EDN1: variants seen among roughly 807,000 people sequenced by gnomAD.
The protein encoded by EDN1 is endothelin 1, also known as endothelin-1.
Under a neutral mutation model 21.7 loss-of-function variants are expected in EDN1, and 11 were observed. The ratio of observed to expected loss-of-function variants is 0.51; its 90% CI spans 0.32 to 0.84. The LOEUF (loss-of-function observed/expected upper bound fraction) is 0.84, where lower values mean the gene tolerates loss of function less well. EDN1 is among the 40% of genes least tolerant of loss of function. The probability of loss-of-function intolerance (pLI) is 0.03; values close to 1 mark genes in which losing one functional copy is unlikely to be tolerated. For missense variants in EDN1, 244 were observed against 262.3 expected (o/e 0.93, Z 0.48); for synonymous variants, 85 against 90.6 (o/e 0.94, Z 0.35).
At chr6:12,275,158 C>T in the EDN1 span, among the ~76,000 whole-genome samples, 1 of 152,176 alleles carries the variant, frequency 6.6e-6, no homozygotes, top group Non-Finnish European at 1.5e-5. Flanking sequence ...TAATGGTACC[C>T]ACGGGGGTCC....
chr6:12,244,533 T>C, the EDN1 span, among the ~76,000 whole-genome samples: 6 of 152,352 alleles, frequency 3.9e-5, no homozygotes, highest in South Asian at 1.2e-3. Context: ...AGGCTCTCTA[T>C]TTAGTCTCAA....
Position 12,292,365 on chromosome 6 carries a change from C to T in EDN1, c.89C>T (p.Ala30Val), listed in dbSNP as rs202087445. 9 of 1,614,040 alleles carry T rather than the reference C, an allele frequency of 5.6e-6. No individual in the cohort carries two copies. The highest frequency in any genetic ancestry group is 4.2e-6 in the Non-Finnish European group (5 of 1,180,052). ...ETAVLGAELS[A>V]VGENGGEKPT... Reference sequence around the variant, plus strand: ...GCAGTCTTAGGCGCTGAGCTCAGCGCGGTGGGTGAGAACGGCGGGGAGAAA... The same window carrying T: ...GCAGTCTTAGGCGCTGAGCTCAGCGTGGTGGGTGAGAACGGCGGGGAGAAA... Residue 30 changes from alanine to valine, a missense_variant, in exon 2 of 5, where the codon GCG becomes GTG. Transcript: ENST00000379375.
chr6:12,267,479 G>GC, the EDN1 span, among the ~76,000 whole-genome samples: 1 of 152,162 alleles, frequency 6.6e-6, no homozygotes, highest in East Asian at 1.9e-4. Context: ...ACCAGGCACA[G>GC]CATTTCCTTA....
the EDN1 span, among the ~76,000 whole-genome samples, chr6:12,256,159 A>C: frequency 6.6e-6 from 1 of 152,176 alleles, no homozygotes; most frequent in African/African-American, 2.4e-5. Context: ...CAGCTTAGGC[A>C]ACAAAGCGAG....
At chr6:12,277,760 T>C in the EDN1 span, among the ~76,000 whole-genome samples, 16 of 152,212 alleles carry the variant, frequency 1.1e-4, no homozygotes, top group Admixed American at 9.2e-4. Context: ...AATGGCGTGA[T>C]AGACATCAAG....
At position 12,290,405 on chromosome 6, in the gene EDN1, C is replaced by G; in HGVS notation, c.-225C>G. On this transcript the variant is annotated 5_prime_UTR_variant, in exon 1 of 5. Coordinates refer to ENST00000379375, the MANE Select transcript of EDN1 (RefSeq NM_001955.5). ...CGCCAGGCGAACGGGTCCTGCGCCT[C>G]CTGCAGTCCCAGCTCTCCACCGCCG... 3 of 579,668 alleles carry G rather than the reference C, an allele frequency of 5.2e-6. No individual in the cohort carries two copies. Among genetic ancestry groups the G allele is most frequent in the Non-Finnish European group, 9.2e-6 (3 of 326,056 alleles). 35.9% of individuals were successfully genotyped at this position (579,668 alleles called of 1,614,324 possible).
At chr6:12,245,494 A>G in the EDN1 span, among the ~76,000 whole-genome samples, 1 of 152,194 alleles carries the variant, frequency 6.6e-6, no homozygotes, top group Non-Finnish European at 1.5e-5. Context: ...AAGTAACTGA[A>G]AACCTGGGGG....
the EDN1 span, among the ~76,000 whole-genome samples, chr6:12,236,240 A>C: frequency 6.6e-6 from 1 of 152,180 alleles, no homozygotes; most frequent in Non-Finnish European, 1.5e-5. Context: ...ATTTGAATGT[A>C]CATTTTCTAA....
chr6:12,288,969 G>A (rs1230947872), upstream of EDN1, among the ~76,000 whole-genome samples: 1 of 152,136 alleles, frequency 6.6e-6, no homozygotes, highest in Non-Finnish European at 1.5e-5. Context: ...AGGTCTTACT[G>A]GGCCACTGTG....
the EDN1 span, among the ~76,000 whole-genome samples, chr6:12,250,632 G>A: frequency 4.6e-5 from 7 of 151,928 alleles, no homozygotes; most frequent in Non-Finnish European, 1.0e-4. Flanking sequence ...TTTGTAACTT[G>A]TTTATAAAGG....
the EDN1 span, among the ~76,000 whole-genome samples, chr6:12,231,975 C>CT: frequency 6.6e-6 from 1 of 150,990 alleles, no homozygotes; most frequent in South Asian, 2.1e-4. Context: ...ACCATAAAGA[C>CT]TTTTTTAGCA....
At chr6:12,279,851 G>C in the EDN1 span, among the ~76,000 whole-genome samples, 2 of 152,214 alleles carry the variant, frequency 1.3e-5, no homozygotes, top group Admixed American at 1.3e-4. Context: ...ATTACAAAAT[G>C]TGCAGTAAAA....
chr6:12,264,354 G>T, the EDN1 span, among the ~76,000 whole-genome samples: 4 of 152,180 alleles, frequency 2.6e-5, no homozygotes, highest in Non-Finnish European at 4.4e-5. Flanking sequence ...GGTGACTAAA[G>T]TAGGTATGGA....
the EDN1 span, among the ~76,000 whole-genome samples, chr6:12,270,901 G>A: frequency 6.6e-6 from 1 of 152,144 alleles, no homozygotes; most frequent in Non-Finnish European, 1.5e-5. Context: ...TTGTATTGAG[G>A]TCTCTCCCTC....
At chr6:12,237,820 T>C in the EDN1 span, among the ~76,000 whole-genome samples, 2 of 152,188 alleles carry the variant, frequency 1.3e-5, no homozygotes, top group African/African-American at 2.4e-5. Context: ...CGTCTGAGAA[T>C]GGGCATTTCT....
chr6:12,237,065 A>G, the EDN1 span, among the ~76,000 whole-genome samples: 3 of 147,560 alleles, frequency 2.0e-5, no homozygotes, highest in Non-Finnish European at 3.0e-5. Context: ...TATAAGTGAG[A>G]ACATGCGGTG....
the EDN1 span, among the ~76,000 whole-genome samples, chr6:12,285,320 G>A: frequency 6.6e-6 from 1 of 152,126 alleles, no homozygotes; most frequent in Non-Finnish European, 1.5e-5. Context: ...AACTTTTTGG[G>A]ATGTGAACCT....
chr6:12,296,260 A>C lies in EDN1; in HGVS notation c.*193A>C, dbSNP rs1412961869. 1 of 583,748 alleles carries C rather than the reference A, an allele frequency of 1.7e-6. No individual in the cohort carries two copies. The highest frequency in any genetic ancestry group is 3.1e-6 in the Non-Finnish European group (1 of 319,410). The allele number at this position is 583,748 out of a possible 1,614,324, so 36.2% of individuals were successfully genotyped here. A position where few individuals can be genotyped will look rare whatever the true frequency, so the allele number is the denominator to read the frequency against. On this transcript the variant is annotated 3_prime_UTR_variant, in exon 5 of 5. Transcript: ENST00000379375. ...CCCCCAACCATCTTCACTGGCTTCC[A>C]TCAGTGGTAACTGCTTTGGTCTCTT...
chr6:12,265,286 C>A, the EDN1 span, among the ~76,000 whole-genome samples: 51 of 152,192 alleles, frequency 3.4e-4, no homozygotes, highest in South Asian at 6.2e-4. Context: ...TAAGAATCTA[C>A]CTGCTATGGG....
Sources: gnomAD v4.1 joint callset for allele counts (sites outside exome capture counted in the v4.1 genomes callset) on GRCh38, gnomAD v4.1.1 for gene constraint, MANE v1.5 for transcripts, NCBI Gene and HGNC (gene_info 2026-07-23, HGNC 2026-07-21) for gene names.